Variants in KIAA0586 observed in about 807,000 individuals in gnomAD.
The protein encoded by KIAA0586 is KIAA0586.
KIAA0586 carries 144 observed loss-of-function variants against 169.8 expected under a neutral mutation model. The observed-to-expected ratio is 0.85, with a 90% confidence interval of 0.74 to 0.97. The LOEUF is 0.97. KIAA0586 is among the 50% of genes least tolerant of loss of function. The pLI is 0.00. For missense variants in KIAA0586, 1,854 were observed against 1,823.0 expected (o/e 1.02, Z -0.31); for synonymous variants, 625 against 612.4 (o/e 1.02, Z -0.30).
intron 20 of KIAA0586, 106 bp from the exon 21 acceptor site, chr14:58,482,407 C>T (rs2042095648): frequency 1.2e-6 from 1 of 844,744 alleles, no homozygotes; most frequent in East Asian, 3.1e-5. Context: ...GCCTGGGTGA[C>T]AGAGTGACAC....
chr14:58,490,142 AC>A (rs2042740172), intron 24 of KIAA0586, 21 bp from the exon 25 acceptor site: 1 of 1,141,148 alleles, frequency 8.8e-7, no homozygotes, highest in Middle Eastern at 2.0e-4. Flanking sequence ...TTTTTTCTAA[AC>A]TTTTATATTT....
chr14:58,487,034 C>A lies in KIAA0586; in HGVS notation c.3172C>A (p.Pro1058Thr), dbSNP rs1226365695. 1 of 1,612,336 alleles carries A rather than the reference C, an allele frequency of 6.2e-7. No individual in the cohort carries two copies. Among genetic ancestry groups the A allele is most frequent in the South Asian group, 1.1e-5 (1 of 90,748 alleles). The change falls in exon 22 of 31, where the codon CCA becomes ACA. Residue 1058 changes from proline to threonine, a missense_variant. Physicochemically the swap from Pro to Thr is conservative, Grantham distance 38. Transcript: ENST00000652326. ...AAGAGTGTGCACCCCACTGCCTACC[C>A]CACAGCCTACGCCTCCTTGCTCACC... Reference protein sequence around the residue: ...PARVCTPLPTPQPTPPCSPSS... With the variant: ...PARVCTPLPTTQPTPPCSPSS...
intron 29 of KIAA0586, among the ~76,000 whole-genome samples, chr14:58,523,310 G>A (rs1197566221): frequency 6.6e-6 from 1 of 152,002 alleles, no homozygotes; most frequent in Non-Finnish European, 1.5e-5. Context: ...TGGAGAGCTT[G>A]GGTTTTTCTC....
chr14:58,552,758 G>A (rs2047222601), downstream of KIAA0586, among the ~76,000 whole-genome samples: 1 of 152,162 alleles, frequency 6.6e-6, no homozygotes. Context: ...TGCACCCCAG[G>A]AGTAGTTCTC....
intron 16 of KIAA0586, among the ~76,000 whole-genome samples, chr14:58,469,315 C>T (rs1406107661): frequency 1.3e-5 from 2 of 152,190 alleles, no homozygotes; most frequent in East Asian, 3.8e-4. Context: ...ACAATAAAGC[C>T]CTGGCTGCAG....
At chr14:58,496,164 A>C (rs981274200) in intron 26 of KIAA0586, among the ~76,000 whole-genome samples, 6 of 152,206 alleles carry the variant, frequency 3.9e-5, no homozygotes, top group Non-Finnish European at 7.3e-5. Context: ...ACTGATGGCA[A>C]AACTGTAATT....
At chr14:58,440,979 C>T in intron 4 of KIAA0586, 1 of 172,054 alleles carries the variant, frequency 5.8e-6, no homozygotes, top group South Asian at 1.3e-4. Context: ...ATTGCTAAGA[C>T]AGTAGATCTT....
chr14:58,551,922 ATT>A (rs149638505), downstream of KIAA0586, among the ~76,000 whole-genome samples: 2,546 of 152,276 alleles, frequency 0.017, 79 homozygotes, highest in African/African-American at 0.057. Context: ...TCACTGAAGC[ATT>A]CTTTTCTATC....
At chr14:58,497,719 ATAT>A (rs1456627929) in intron 26 of KIAA0586, among the ~76,000 whole-genome samples, 4 of 152,008 alleles carry the variant, frequency 2.6e-5, no homozygotes, top group Admixed American at 2.6e-4. Context: ...TGTTTAAAGT[ATAT>A]TATTCTCCTC....
intron 12 of KIAA0586, 147 bp from the exon 13 acceptor site, chr14:58,459,696 A>G (rs1458446713): frequency 7.0e-6 from 3 of 430,674 alleles, no homozygotes; most frequent in Admixed American, 8.3e-5. Flanking sequence ...TATATATCCA[A>G]TAAAGCCAAT....
intron 30 of KIAA0586, among the ~76,000 whole-genome samples, chr14:58,543,652 G>T (rs1406659743): frequency 6.6e-6 from 1 of 152,158 alleles, no homozygotes; most frequent in African/African-American, 2.4e-5. Context: ...TCCCAAGTTT[G>T]TTGGTGTTCT....
chr14:58,522,185 C>CT (rs1206378832), intron 29 of KIAA0586, among the ~76,000 whole-genome samples: 1 of 152,018 alleles, frequency 6.6e-6, no homozygotes, highest in Non-Finnish European at 1.5e-5. Flanking sequence ...CTTTGATGCC[C>CT]TAGTAGTTTT....
intron 29 of KIAA0586, chr14:58,537,031 G>A (rs1476013087): frequency 2.4e-6 from 3 of 1,271,198 alleles, no homozygotes; most frequent in Non-Finnish European, 3.1e-6. Flanking sequence ...ATAAAGAATT[G>A]TAAGAACTGA....
chr14:58,440,137 C>A (rs1006562131), intron 4 of KIAA0586: 4 of 424,118 alleles, frequency 9.4e-6, no homozygotes, highest in African/African-American at 8.5e-5. Flanking sequence ...CCTGCCTCAG[C>A]CTCCCACAGT....
intron 27 of KIAA0586, among the ~76,000 whole-genome samples, chr14:58,503,598 CA>C (rs2043730002): frequency 1.3e-5 from 2 of 151,898 alleles, no homozygotes; most frequent in African/African-American, 4.8e-5. Context: ...GATAAGAAAG[CA>C]AAAACATGCA....
At chr14:58,472,330 C>G (rs1236941243) in intron 18 of KIAA0586, 51 bp downstream of exon 18, 2 of 1,073,552 alleles carry the variant, frequency 1.9e-6, no homozygotes, top group Non-Finnish European at 2.7e-6. Context: ...GGTATTTTTC[C>G]AGGTTGTTGA....
intron 6 of KIAA0586, among the ~76,000 whole-genome samples, chr14:58,445,243 A>G (rs1323497320): frequency 6.6e-6 from 1 of 152,072 alleles, no homozygotes; most frequent in Non-Finnish European, 1.5e-5. Flanking sequence ...AAGCTTCATA[A>G]TGATTCTGAT....
At chr14:58,533,526 C>T (rs543561061) in intron 29 of KIAA0586, among the ~76,000 whole-genome samples, 3 of 152,096 alleles carry the variant, frequency 2.0e-5, no homozygotes, top group Admixed American at 6.6e-5. Context: ...GGGGCAGGGG[C>T]CTGACTTTGT....
chr14:58,437,136 G>A (rs116620486), intron 4 of KIAA0586, among the ~76,000 whole-genome samples: 2,495 of 152,250 alleles, frequency 0.016, 72 homozygotes, highest in African/African-American at 0.056. Context: ...AATACACTGG[G>A]CAGTGGTGGT....
Sources: allele counts gnomAD v4.1 joint callset (sites outside exome capture counted in the v4.1 genomes callset), GRCh38; gene constraint gnomAD v4.1.1; transcripts MANE v1.5; gene names NCBI Gene and HGNC (gene_info 2026-07-23, HGNC 2026-07-21).